The following SHOC2 variants were observed in gnomAD, a reference collection of about 807,000 sequenced individuals.
SHOC2 encodes the protein leucine-rich repeat protein SHOC-2.
In SHOC2, 4 loss-of-function variants were observed where a neutral mutation model predicts 50.2. The ratio of observed to expected loss-of-function variants is 0.08; its 90% CI spans 0.04 to 0.18. The LOEUF is 0.18. SHOC2 is among the 10% of genes least tolerant of loss of function. The pLI, the probability that SHOC2 is intolerant of heterozygous loss-of-function variation, is 1.00. For synonymous variants in SHOC2, 218 were observed against 244.5 expected (o/e 0.89, Z 1.01); for missense variants, 388 against 669.6 (o/e 0.58, Z 4.64).
chr10:111,002,965 A>G (rs1044728284), intron 4 of SHOC2, among the ~76,000 whole-genome samples: 1 of 152,252 alleles, frequency 6.6e-6, no homozygotes, highest in Non-Finnish European at 1.5e-5. Flanking sequence ...CATGAGGCTC[A>G]GTAAAACTCC....
At chr10:110,986,739 T>G (rs1387801480) in intron 3 of SHOC2, among the ~76,000 whole-genome samples, 3 of 152,116 alleles carry the variant, frequency 2.0e-5, no homozygotes, top group Admixed American at 6.5e-5. Flanking sequence ...GCCTCCCAAA[T>G]TGCTGGGATT....
At chr10:111,008,517 A>G (rs990173389) in intron 6 of SHOC2, among the ~76,000 whole-genome samples, 3 of 151,936 alleles carry the variant, frequency 2.0e-5, no homozygotes, top group African/African-American at 7.2e-5. Context: ...AAGAGTATCT[A>G]CCTTGTAGAG....
Position 110,943,240 on chromosome 10 carries a change from G to A in SHOC2, c.-234-20885G>A, listed in dbSNP as rs545904450. Among the ~76,000 whole-genome samples, 23 of 148,884 alleles carry A rather than the reference G, an allele frequency of 1.5e-4. No individual in the cohort carries two copies. The South Asian group carries it at 2.5e-3, about 16-fold the overall frequency. On this transcript the variant is annotated intron_variant, in intron 1 of 8. Coordinates refer to ENST00000369452, the MANE Select transcript of SHOC2 (RefSeq NM_007373.4). Reference sequence around the variant, plus strand: ...ATATTCCACAGGTCTCTGAGGCTCCGTTTCTTTTTCTTTATTCTTTTTTTT... The same window carrying A: ...ATATTCCACAGGTCTCTGAGGCTCCATTTCTTTTTCTTTATTCTTTTTTTT...
intron 1 of SHOC2, among the ~76,000 whole-genome samples, chr10:110,952,137 T>A (rs149256593): frequency 6.6e-6 from 1 of 152,316 alleles, no homozygotes; most frequent in African/African-American, 2.4e-5. Flanking sequence ...TACGTTTTGT[T>A]TTTTTCAGCT....
intron 2 of SHOC2, among the ~76,000 whole-genome samples, chr10:110,969,875 C>T (rs1409989453): frequency 2.0e-5 from 3 of 152,088 alleles, no homozygotes; most frequent in African/African-American, 4.8e-5. Flanking sequence ...AAGCAATTCT[C>T]ACATCATTCA....
intron 1 of SHOC2, among the ~76,000 whole-genome samples, chr10:110,939,733 A>G (rs556721563): frequency 6.6e-6 from 1 of 152,296 alleles, no homozygotes; most frequent in East Asian, 1.9e-4. Context: ...CAAGAGAAAA[A>G]GTAGTTTTAA....
intron 5 of SHOC2, among the ~76,000 whole-genome samples, chr10:111,007,022 A>T (rs1212058021): frequency 6.6e-6 from 1 of 152,196 alleles, no homozygotes; most frequent in Non-Finnish European, 1.5e-5. Context: ...ATACCTGATT[A>T]GTGTTTTAAT....
intron 1 of SHOC2, among the ~76,000 whole-genome samples, chr10:110,938,805 G>A (rs1411149032): frequency 1.3e-5 from 2 of 152,202 alleles, no homozygotes; most frequent in African/African-American, 4.8e-5. Context: ...TCAGATCAGT[G>A]TGTTGTTAAC....
At chr10:110,958,728 CT>C (rs79465867) in intron 1 of SHOC2, among the ~76,000 whole-genome samples, 86 of 146,060 alleles carry the variant, frequency 5.9e-4, no homozygotes, top group Admixed American at 6.2e-4. Context: ...TACTAATTTT[CT>C]TTTTTTTTTT....
intron 2 of SHOC2, among the ~76,000 whole-genome samples, chr10:110,981,745 G>A (rs1847979754): frequency 6.6e-6 from 1 of 151,734 alleles, no homozygotes; most frequent in Admixed American, 6.6e-5. Context: ...AACATTGATT[G>A]ATTTTCAAAT....
intron 5 of SHOC2, among the ~76,000 whole-genome samples, chr10:111,006,631 A>C (rs1019206461): frequency 2.0e-5 from 3 of 152,198 alleles, no homozygotes; most frequent in South Asian, 4.1e-4. Context: ...CGGCCTCCCA[A>C]AGTGCTGGGA....
chr10:110,989,407 A>G (rs1056647030), intron 3 of SHOC2, among the ~76,000 whole-genome samples: 2 of 152,174 alleles, frequency 1.3e-5, no homozygotes, highest in African/African-American at 2.4e-5. Context: ...GCTGAAGTCA[A>G]TCTGGTTGGT....
intron 1 of SHOC2, among the ~76,000 whole-genome samples, chr10:110,958,347 G>A (rs1418202974): frequency 6.6e-6 from 1 of 151,984 alleles, no homozygotes; most frequent in Non-Finnish European, 1.5e-5. Context: ...CTGAGTAGCT[G>A]GGACTACAGG....
chr10:110,981,876 T>TATTATACTC (rs1554859803), intron 2 of SHOC2, among the ~76,000 whole-genome samples: 2,221 of 135,452 alleles, frequency 0.016, 45 homozygotes, highest in South Asian at 0.069. Flanking sequence ...ATTTATTTTT[T>TATTATACTC]TAAGTTTTAG....
chr10:110,951,354 C>T (rs901441720), intron 1 of SHOC2, among the ~76,000 whole-genome samples: 1 of 152,062 alleles, frequency 6.6e-6, no homozygotes, highest in Non-Finnish European at 1.5e-5. Context: ...TAGATGTCAC[C>T]TCATACCTAT....
chr10:110,985,836 C>G, intron 3 of SHOC2, 71 bp downstream of exon 3: 1 of 1,331,398 alleles, frequency 7.5e-7, no homozygotes, highest in South Asian at 1.2e-5. Context: ...TATTTTTGAT[C>G]CATTTGGTAA....
At chr10:110,940,317 C>T (rs1847110587) in intron 1 of SHOC2, among the ~76,000 whole-genome samples, 1 of 152,070 alleles carries the variant, frequency 6.6e-6, no homozygotes, top group Admixed American at 6.5e-5. Flanking sequence ...GTATGTTCTT[C>T]TATTTCTTCT....
At chr10:110,945,825 C>T (rs980781329) in intron 1 of SHOC2, among the ~76,000 whole-genome samples, 13 of 152,182 alleles carry the variant, frequency 8.5e-5, no homozygotes, top group African/African-American at 3.1e-4. Context: ...AAATCTTCCT[C>T]ACTCTCATAG....
At chr10:111,009,518 A>G in intron 7 of SHOC2, 133 bp downstream of exon 7, 2 of 874,312 alleles carry the variant, frequency 2.3e-6, no homozygotes, top group Non-Finnish European at 3.6e-6. Context: ...GCTGAGTTTT[A>G]TGTTCATATA....
Sources: gnomAD v4.1 joint callset for allele counts (sites outside exome capture counted in the v4.1 genomes callset) on GRCh38, gnomAD v4.1.1 for gene constraint, MANE v1.5 for transcripts, NCBI Gene and HGNC (gene_info 2026-07-23, HGNC 2026-07-21) for gene names.